CEP63: variants seen among roughly 807,000 people sequenced by gnomAD.
The protein encoded by CEP63 is centrosomal protein 63.
Under a neutral mutation model 89.1 loss-of-function variants are expected in CEP63, and 84 were observed. The observed-to-expected ratio is 0.94, with a 90% confidence interval of 0.79 to 1.13. The LOEUF (loss-of-function observed/expected upper bound fraction) is 1.13. Ranked by LOEUF, CEP63 falls within the 50% of genes most tolerant of loss-of-function variation. CEP63 has a pLI of 0.00. For missense variants in CEP63, 838 were observed against 813.3 expected (o/e 1.03, Z -0.37); for synonymous variants, 267 against 272.5 (o/e 0.98, Z 0.20).
chr3:134,701,315 T>TATATGTGTGTGTATATATAC, the CEP63 span, among the ~76,000 whole-genome samples: 1 of 65,792 alleles, frequency 1.5e-5, no homozygotes, highest in East Asian at 1.0e-3. Flanking sequence ...CGTATATATG[T>TATATGTGTGTGTATATATAC]GTATATATAC....
At chr3:134,726,932 T>G in the CEP63 span, among the ~76,000 whole-genome samples, 2 of 152,090 alleles carry the variant, frequency 1.3e-5, no homozygotes, top group Admixed American at 1.3e-4. Context: ...AAGCACTTAT[T>G]TTTTAAAAGC....
the CEP63 span, among the ~76,000 whole-genome samples, chr3:134,771,478 C>T: frequency 6.6e-6 from 1 of 152,088 alleles, no homozygotes; most frequent in African/African-American, 2.4e-5. Context: ...ATAGCTAGGC[C>T]CCACCCCCAA....
chr3:134,528,553 G>GGTGTGTGTGTGCGTGT (rs1949147687), intron 3 of CEP63, among the ~76,000 whole-genome samples: 1 of 108,820 alleles, frequency 9.2e-6, no homozygotes, highest in Non-Finnish European at 2.0e-5. Flanking sequence ...CTTAAGGAGG[G>GGTGTGTGTGTGCGTGT]GTGTGTGTGT....
chr3:134,512,051 T>G (rs946118853), intron 3 of CEP63, among the ~76,000 whole-genome samples: 4 of 152,212 alleles, frequency 2.6e-5, no homozygotes, highest in Non-Finnish European at 4.4e-5. Flanking sequence ...TCTTTCATAG[T>G]ACCAAGTCAT....
chr3:134,537,050 A>C, intron 5 of CEP63, 105 bp from the exon 6 acceptor site: 1 of 780,702 alleles, frequency 1.3e-6, no homozygotes, highest in Admixed American at 1.8e-5. Flanking sequence ...GAAAGGTGCA[A>C]GCGTACCCAG....
chr3:134,539,998 A>G (rs1951672881), intron 6 of CEP63, among the ~76,000 whole-genome samples: 1 of 152,140 alleles, frequency 6.6e-6, no homozygotes, highest in Admixed American at 6.5e-5. Flanking sequence ...TTTTGATAGG[A>G]AAAACCTATA....
At chr3:134,631,287 C>T in the CEP63 span, among the ~76,000 whole-genome samples, 1 of 152,206 alleles carries the variant, frequency 6.6e-6, no homozygotes, top group Non-Finnish European at 1.5e-5. Context: ...AGACACATAA[C>T]CAAACTATTA....
At chr3:134,545,856 T>TGTATGA (rs1953180787) in intron 7 of CEP63, 37 bp downstream of exon 7, 1 of 1,435,372 alleles carries the variant, frequency 7.0e-7, no homozygotes, top group Non-Finnish European at 9.7e-7. Flanking sequence ...GGGAAGTGTG[T>TGTATGA]GTATGAGTAT....
chr3:134,526,644 G>T (rs1948705288), intron 3 of CEP63, among the ~76,000 whole-genome samples: 1 of 152,140 alleles, frequency 6.6e-6, no homozygotes, highest in Non-Finnish European at 1.5e-5. Context: ...TACTGGAGAA[G>T]TGATATGGTT....
the CEP63 span, among the ~76,000 whole-genome samples, chr3:134,623,174 C>T: frequency 6.6e-6 from 1 of 152,356 alleles, no homozygotes; most frequent in East Asian, 1.9e-4. Flanking sequence ...CCTGGCCCCA[C>T]CTGGGCCTGG....
chr3:134,668,198 C>T, the CEP63 span, among the ~76,000 whole-genome samples: 2 of 152,122 alleles, frequency 1.3e-5, no homozygotes, highest in African/African-American at 2.4e-5. Flanking sequence ...GAAGTGTGGA[C>T]CAGTCTGGGT....
chr3:134,705,585 G>A, the CEP63 span, among the ~76,000 whole-genome samples: 35 of 152,316 alleles, frequency 2.3e-4, no homozygotes, highest in South Asian at 4.1e-4. Context: ...AGATCTAAAT[G>A]TGCAGGGTCT....
chr3:134,619,239 T>C, the CEP63 span: 1 of 1,613,794 alleles, frequency 6.2e-7, no homozygotes, highest in Non-Finnish European at 8.5e-7. Context: ...TGGCGGTCCT[T>C]CTCCTGAGCA....
chr3:134,651,754 A>T, the CEP63 span: 11 of 363,846 alleles, frequency 3.0e-5, no homozygotes, highest in African/African-American at 2.0e-4. Flanking sequence ...GTGGGGAAGG[A>T]GGGAGGGGGA....
downstream of CEP63, among the ~76,000 whole-genome samples, chr3:134,575,233 CCCTTCCTT>C (rs765595667): frequency 0.25 from 13,527 of 53,512 alleles, 1,966 homozygotes; most frequent in African/African-American, 0.37. Flanking sequence ...CTCCCTCCCT[CCCTTCCTT>C]CCTTCCTTCC....
chr3:134,622,175 T>C, the CEP63 span, among the ~76,000 whole-genome samples: 1 of 152,200 alleles, frequency 6.6e-6, no homozygotes, highest in African/African-American at 2.4e-5. Context: ...AAGTTAAATG[T>C]AGAATTATCA....
the CEP63 span, among the ~76,000 whole-genome samples, chr3:134,724,869 C>A: frequency 1.3e-5 from 2 of 152,108 alleles, no homozygotes; most frequent in African/African-American, 4.8e-5. Flanking sequence ...GATAAAAGTT[C>A]TCCTAAATTT....
chr3:134,671,562 A>G, the CEP63 span, among the ~76,000 whole-genome samples: 2 of 152,266 alleles, frequency 1.3e-5, no homozygotes, highest in African/African-American at 2.4e-5. Context: ...AGTGGCGAGC[A>G]TGTGGGTATT....
At chr3:134,737,496 A>G in the CEP63 span, among the ~76,000 whole-genome samples, 1 of 152,266 alleles carries the variant, frequency 6.6e-6, no homozygotes, top group Non-Finnish European at 1.5e-5. Context: ...GTAATTTACA[A>G]AAGAGCAAAG....
Sources: gnomAD v4.1 joint callset for allele counts (sites outside exome capture counted in the v4.1 genomes callset) on GRCh38, gnomAD v4.1.1 for gene constraint, MANE v1.5 for transcripts, NCBI Gene and HGNC (gene_info 2026-07-23, HGNC 2026-07-21) for gene names.